Variants in CUL4B observed in about 807,000 individuals in gnomAD.
CUL4B encodes cullin-4B.
CUL4B carries 1 observed loss-of-function variant against 69.2 expected under a neutral mutation model. That is an observed-to-expected ratio of 0.01 (90% CI 0.01 to 0.07). The LOEUF is 0.07. Among genes scored for constraint, CUL4B ranks in the 10% least tolerant of loss-of-function variants. The pLI, the probability that CUL4B is intolerant of heterozygous loss-of-function variation, is 1.00. For missense variants in CUL4B, 328 were observed against 638.8 expected (o/e 0.51, Z 5.24); for synonymous variants, 237 against 223.2 (o/e 1.06, Z -0.55).
At chrX:120,543,699 A>T (rs1481895871) in intron 8 of CUL4B, 28 bp downstream of exon 8, 1 of 1,041,579 alleles carries the variant, frequency 9.6e-7, no homozygotes, top group African/African-American at 1.8e-5. Flanking sequence ...ACAGTTTAAG[A>T]CTATTAAATT....
At chrX:120,542,385 A>C (rs1395130832) in intron 9 of CUL4B, among the ~76,000 whole-genome samples, 1 of 111,432 alleles carries the variant, frequency 9.0e-6, no homozygotes, top group Non-Finnish European at 1.9e-5. Context: ...TAAATATATA[A>C]ATTTTTATAC....
chrX:120,560,784 G>A lies in CUL4B; in HGVS notation c.-146C>T. 1.5e-6 allele frequency: 1 copy of A among 672,686 alleles called. No homozygotes were observed. 55.4% of individuals were successfully genotyped at this position (672,686 alleles called of 1,213,427 possible). On this transcript the variant is annotated 5_prime_UTR_variant, in exon 1 of 20. Coordinates refer to ENST00000371322, the MANE Select transcript of CUL4B (RefSeq NM_001079872.2). ...ACAGAGGACGAGAAGGAAAGTGAAGGGGGGGGCTACACCGGGGGAATGGGA... is the reference window on the plus strand; with the variant it reads ...ACAGAGGACGAGAAGGAAAGTGAAGAGGGGGGCTACACCGGGGGAATGGGA...
At chrX:120,532,798 T>C (rs1440637729) in intron 17 of CUL4B, among the ~76,000 whole-genome samples, 3 of 111,417 alleles carry the variant, frequency 2.7e-5, no homozygotes, top group Non-Finnish European at 5.7e-5. Context: ...GGTTTCACCA[T>C]GTTGCCCAGG....
Position 120,560,568 on chromosome X carries a change from G to C in CUL4B, c.71C>G (p.Thr24Ser). The change falls in exon 1 of 20, where the codon ACT (threonine) becomes AGT (serine). Residue 24 changes from threonine (T) to serine (S), a missense_variant. Physicochemically the swap from Thr to Ser is moderately conservative, Grantham distance 58. Coordinates refer to ENST00000371322, the MANE Select transcript of CUL4B (RefSeq NM_001079872.2). ...AAAAQEVRSATDGNTSTTPPT... is the reference protein window; with the variant it reads ...AAAAQEVRSASDGNTSTTPPT... ...CGGAGTGGTGCTGGTATTACCATCA[G>C]TGGCAGATCTGACCTCCTGAGCAGC... is the stretch of plus-strand genomic sequence containing the variant. 1 of 1,209,076 alleles carries C rather than the reference G, an allele frequency of 8.3e-7. No individual in the cohort carries two copies. The highest frequency in any genetic ancestry group is 1.1e-6 in the Non-Finnish European group (1 of 894,568).
chrX:120,555,404 A>G (rs1924904308), intron 2 of CUL4B, among the ~76,000 whole-genome samples: 1 of 112,175 alleles, frequency 8.9e-6, no homozygotes. Flanking sequence ...CCACTTATGC[A>G]TGCACAGATA....
intron 2 of CUL4B, among the ~76,000 whole-genome samples, chrX:120,552,721 T>C (rs769548548): frequency 9.0e-6 from 1 of 111,392 alleles, no homozygotes; most frequent in East Asian, 2.8e-4. Context: ...AAATGACATA[T>C]GCAAATATTT....
chrX:120,567,118 ATTTTTTTTT>A (rs72483160), downstream of CUL4B, among the ~76,000 whole-genome samples: 2 of 55,290 alleles, frequency 3.6e-5, 1 homozygote, highest in Non-Finnish European at 6.5e-5. Flanking sequence ...GCCAATTTAG[ATTTTTTTTT>A]TTTTTTTTTT....
chrX:120,539,877 A>G (rs1025117669), intron 11 of CUL4B, among the ~76,000 whole-genome samples: 5 of 112,174 alleles, frequency 4.5e-5, no homozygotes, highest in Non-Finnish European at 9.4e-5. Context: ...CTTTTGGCAG[A>G]GGACCCTAGA....
At chrX:120,559,804 G>A (rs1280329902) in intron 1 of CUL4B, 2 of 1,093,128 alleles carry the variant, frequency 1.8e-6, no homozygotes, top group Admixed American at 2.8e-5. Flanking sequence ...CAATCATACC[G>A]ATTGTCAGTG....
At chrX:120,556,178 G>A (rs1002448927) in intron 2 of CUL4B, among the ~76,000 whole-genome samples, 1 of 111,191 alleles carries the variant, frequency 9.0e-6, no homozygotes, top group Non-Finnish European at 1.9e-5. Context: ...CGCCAAAAGA[G>A]CCATATGAAA....
chrX:120,537,754 C>T (rs1923755045), intron 14 of CUL4B, among the ~76,000 whole-genome samples: 1 of 111,380 alleles, frequency 9.0e-6, no homozygotes, highest in Admixed American at 9.6e-5. Context: ...CCCCAATGTC[C>T]CCAAAGGCTT....
chrX:120,564,975 C>T (rs1407448677), upstream of CUL4B, among the ~76,000 whole-genome samples: 1 of 112,433 alleles, frequency 8.9e-6, no homozygotes, highest in African/African-American at 3.2e-5. Flanking sequence ...CCACCTTTAA[C>T]CAAGCTGTTT....
rs1922854356 is a variant in CUL4B at position 120,524,300 on chromosome X, C to T, written c.*2461G>A. ...CTTCTCCCCTGAACTCAAATCTAGACTCATTTCATATTGACTTTATGAAAC... is the reference window on the plus strand; with the variant it reads ...CTTCTCCCCTGAACTCAAATCTAGATTCATTTCATATTGACTTTATGAAAC... On this transcript the variant is annotated 3_prime_UTR_variant, in exon 20 of 20. Coordinates refer to ENST00000371322, the MANE Select transcript of CUL4B (RefSeq NM_001079872.2). Among the ~76,000 whole-genome samples the T allele has an allele frequency of 9.0e-6, 1 of 111,509 alleles. No homozygotes were observed. The highest frequency in any genetic ancestry group is 3.3e-5 in the African/African-American group (1 of 30,696).
At chrX:120,540,320 T>C in intron 11 of CUL4B, 50 bp downstream of exon 11, 1 of 1,106,409 alleles carries the variant, frequency 9.0e-7, no homozygotes, top group Non-Finnish European at 1.2e-6. Flanking sequence ...TGAGATTTTA[T>C]GACTCAAAGA....
chrX:120,570,743 C>G (rs1036021463), downstream of CUL4B, among the ~76,000 whole-genome samples: 3 of 111,949 alleles, frequency 2.7e-5, no homozygotes. Flanking sequence ...CAGCATTGAA[C>G]AATGAATAAA....
intron 2 of CUL4B, among the ~76,000 whole-genome samples, chrX:120,553,081 A>T (rs1438794197): frequency 8.9e-6 from 1 of 112,377 alleles, no homozygotes; most frequent in African/African-American, 3.2e-5. Flanking sequence ...CACATTTTAA[A>T]ATTTTTTATT....
At chrX:120,540,049 G>A (rs1923899691) in intron 11 of CUL4B, among the ~76,000 whole-genome samples, 1 of 111,891 alleles carries the variant, frequency 8.9e-6, no homozygotes, top group African/African-American at 3.2e-5. Flanking sequence ...GTAATTTCAT[G>A]CTGCCCTTTT....
intron 10 of CUL4B, 90 bp downstream of exon 10, chrX:120,541,512 A>T: frequency 1.5e-6 from 1 of 683,969 alleles, no homozygotes; most frequent in Non-Finnish European, 2.4e-6. Context: ...AAAAAAAAAA[A>T]TTGGATCAAA....
chrX:120,550,091 CTTAA>C (rs1294045045), intron 2 of CUL4B, among the ~76,000 whole-genome samples: 2 of 111,879 alleles, frequency 1.8e-5, no homozygotes, highest in African/African-American at 3.3e-5. Context: ...ATAAGTTCTT[CTTAA>C]TTGACTCAGC....
Sources: gnomAD v4.1 joint callset for allele counts (sites outside exome capture counted in the v4.1 genomes callset) on GRCh38, gnomAD v4.1.1 for gene constraint, MANE v1.5 for transcripts, NCBI Gene and HGNC (gene_info 2026-07-23, HGNC 2026-07-21) for gene names.